The following FIGNL2 variants were observed in gnomAD, a reference collection of about 807,000 sequenced individuals.
FIGNL2 encodes the protein fidgetin like 2, also known as fidgetin-like protein 2.
For missense variants in FIGNL2, 1,060 were observed against 950.2 expected, an observed-to-expected ratio of 1.12 and a Z score of -1.52; for synonymous variants, 565 against 484.0, an observed-to-expected ratio of 1.17 and a Z score of -2.20.
Position 51,821,124 on chromosome 12 carries a change from G to A in FIGNL2, c.1290C>T (p.Leu430=), listed in dbSNP as rs534058556. The change falls in exon 2 of 2, where the codon CTC becomes CTT. Residue 430 remains leucine (L), a synonymous_variant. Coordinates refer to ENST00000618634, the MANE Select transcript of FIGNL2 (RefSeq NM_001384995.1). ...CTTTGCCCGCGCCCCGCGGCCCAAAGAGCAGGACGGTCCGCGGCGGGCGCA... is the reference window on the plus strand; with the variant it reads ...CTTTGCCCGCGCCCCGCGGCCCAAAAAGCAGGACGGTCCGCGGCGGGCGCA... ...GSLRPPRTVL[L]FGPRGAGKAL... 94 of 1,445,678 alleles carry A rather than the reference G, an allele frequency of 6.5e-5. No homozygotes were observed. The highest frequency in any genetic ancestry group is 8.0e-5 in the Non-Finnish European group (89 of 1,112,800). The allele number at this position is 1,445,678 out of a possible 1,614,324, so 89.6% of individuals were successfully genotyped here.
At chr12:51,832,440 A>G (rs1305533461) in intron 1 of FIGNL2, among the ~76,000 whole-genome samples, 1 of 151,882 alleles carries the variant, frequency 6.6e-6, no homozygotes, top group African/African-American at 2.4e-5. Context: ...CCTTCCAAGC[A>G]GGCATTTACC....
intron 1 of FIGNL2, chr12:51,826,021 A>C (rs1192159417): frequency 6.6e-6 from 1 of 152,152 alleles, no homozygotes; most frequent in Non-Finnish European, 1.5e-5. Flanking sequence ...TAGCCAGGGC[A>C]AAAAATGAAG....
In FIGNL2 at chr12:51,820,928, G is replaced by C; in HGVS notation, c.1486C>G (p.Leu496Val). The change falls in exon 2 of 2, where the codon CTG (leucine) becomes GTG (valine). Residue 496 changes from leucine (L) to valine (V), a missense_variant. Transcript: ENST00000618634. Reference sequence around the variant, plus strand: ...GCGCCGTCGTCCCGGGCGGGGAGCAGCGCCTCTAGCTCGCTGATGAGGAGT... The same window carrying C: ...GCGCCGTCGTCCCGGGCGGGGAGCACCGCCTCTAGCTCGCTGATGAGGAGT... ...SVLLISELEA[L>V]LPARDDGAAA... The C allele has an allele frequency of 7.6e-7, 1 of 1,319,510 alleles. No homozygotes were observed. The highest frequency in any genetic ancestry group is 9.6e-7 in the Non-Finnish European group (1 of 1,042,796). The allele number at this position is 1,319,510 out of a possible 1,614,324, so 81.7% of individuals were successfully genotyped here. A position where few individuals can be genotyped will look rare whatever the true frequency, so the allele number is the denominator to read the frequency against.
chr12:51,822,188 CG>C lies in FIGNL2; in HGVS notation c.225del (p.Tyr75Ter). The part of the protein sequence containing the change: ...EKYSGVLDSP[Y>X]ERPALGGYSD... ...CTGTACCCGCCCAGGGCCGGACGCT[CG>C]TAGGGAGAATCCAAGACCCCAGAGT... On this transcript the variant is annotated frameshift_variant, in exon 2 of 2. Transcript: ENST00000618634. LOFTEE classifies it low-confidence loss of function (END_TRUNC). The C allele has an allele frequency of 2.5e-6, 4 of 1,611,554 alleles. No individual in the cohort carries two copies. The highest frequency in any genetic ancestry group is 3.4e-6 in the Non-Finnish European group (4 of 1,178,974).
Position 51,820,943 on chromosome 12 carries a change from T to C in FIGNL2, c.1471A>G (p.Ser491Gly). ...GCGGGGAGCAGCGCCTCTAGCTCGCTGATGAGGAGTACGGAGGGTGGGCGG... is the reference window on the plus strand; with the variant it reads ...GCGGGGAGCAGCGCCTCTAGCTCGCCGATGAGGAGTACGGAGGGTGGGCGG... Reference protein sequence around the residue: ...RCRPPSVLLISELEALLPARD... With the variant: ...RCRPPSVLLIGELEALLPARD... The change falls in exon 2 of 2, where the codon AGC becomes GGC. Residue 491 changes from serine to glycine, a missense_variant. Physicochemically the swap from Ser to Gly is moderately conservative, Grantham distance 56 (BLOSUM62 0). Coordinates refer to ENST00000618634, the MANE Select transcript of FIGNL2 (RefSeq NM_001384995.1). 7.7e-7 allele frequency: 1 copy of C among 1,292,690 alleles called. No individual in the cohort carries two copies. The highest frequency in any genetic ancestry group is 1.6e-5 in the African/African-American group (1 of 63,976). The allele number at this position is 1,292,690 out of a possible 1,614,324, so 80.1% of individuals were successfully genotyped here. A position where few individuals can be genotyped will look rare whatever the true frequency, so the allele number is the denominator to read the frequency against.
intron 1 of FIGNL2, among the ~76,000 whole-genome samples, chr12:51,842,644 C>T (rs1019542844): frequency 3.3e-5 from 5 of 152,106 alleles, no homozygotes; most frequent in Non-Finnish European, 7.4e-5. Context: ...CTTCTAATGC[C>T]CACCGACACA....
intron 1 of FIGNL2, chr12:51,835,463 CA>C (rs1939565075): frequency 6.6e-6 from 1 of 152,258 alleles, no homozygotes; most frequent in Non-Finnish European, 1.5e-5. Flanking sequence ...GCCACCAGCC[CA>C]AAAGGGGCAG....
chr12:51,826,696 CT>C (rs1565944065), intron 1 of FIGNL2, among the ~76,000 whole-genome samples: 3 of 150,992 alleles, frequency 2.0e-5, no homozygotes, highest in African/African-American at 7.3e-5. Context: ...AGGTCAGCAA[CT>C]TCTGCTAAAC....
chr12:51,825,948 C>G (rs970531094), intron 1 of FIGNL2: 1 of 152,216 alleles, frequency 6.6e-6, no homozygotes, highest in Non-Finnish European at 1.5e-5. Context: ...GATCTCTACT[C>G]TCAGTCTTCA....
chr12:51,825,509 C>T (rs1046956578), intron 1 of FIGNL2, among the ~76,000 whole-genome samples: 2 of 152,160 alleles, frequency 1.3e-5, no homozygotes, highest in African/African-American at 4.8e-5. Context: ...TCCAGTAAGC[C>T]ACCTCCAGTC....
intron 1 of FIGNL2, among the ~76,000 whole-genome samples, chr12:51,828,627 T>G (rs1939392140): frequency 6.6e-6 from 1 of 152,166 alleles, no homozygotes; most frequent in South Asian, 2.1e-4. Context: ...TCCCCCGTGG[T>G]CCTGCTGCCC....
At chr12:51,837,430 C>T (rs1010896214) in intron 1 of FIGNL2, among the ~76,000 whole-genome samples, 1 of 152,166 alleles carries the variant, frequency 6.6e-6, no homozygotes, top group Admixed American at 6.5e-5. Flanking sequence ...CCTGCCGGTA[C>T]CCCCTGTGAC....
Position 51,833,891 on chromosome 12 carries a change from C to T in FIGNL2, c.-11-11467G>A, listed in dbSNP as rs553312428. Among the ~76,000 whole-genome samples, 300 of 152,000 alleles carry T rather than the reference C, an allele frequency of 2.0e-3. 1 individual carries two copies. The highest frequency in any genetic ancestry group is 0.014 in the Middle Eastern group (4 of 294). ...TTTGTTCACTGTTATATCCCAAGCA[C>T]CTAGGACAGTGCCCGGCACAGATTA... On this transcript the variant is annotated intron_variant, in intron 1 of 1. Coordinates refer to ENST00000618634, the MANE Select transcript of FIGNL2 (RefSeq NM_001384995.1).
chr12:51,846,939 G>A, intron 1 of FIGNL2: 1 of 927,514 alleles, frequency 1.1e-6, no homozygotes, highest in Non-Finnish European at 1.3e-6. Context: ...CATGGGAAAG[G>A]GGATTTACGA....
intron 1 of FIGNL2, among the ~76,000 whole-genome samples, chr12:51,842,637 C>A (rs1445207375): frequency 6.6e-6 from 1 of 152,130 alleles, no homozygotes; most frequent in African/African-American, 2.4e-5. Flanking sequence ...CACTTTGCTT[C>A]TAATGCCCAC....
chr12:51,828,134 A>G (rs1939383166), intron 1 of FIGNL2, among the ~76,000 whole-genome samples: 1 of 152,132 alleles, frequency 6.6e-6, no homozygotes. Context: ...AGTGCTGTGT[A>G]TTTACCCTTC....
chr12:51,820,539 C>G lies in FIGNL2; in HGVS notation c.1875G>C (p.Ala625=). The G allele has an allele frequency of 6.5e-7, 1 of 1,549,758 alleles. No homozygotes were observed. The highest frequency in any genetic ancestry group is 8.7e-7 in the Non-Finnish European group (1 of 1,155,032). The part of the protein sequence containing the change: ...QRPLSYKDLE[A]ALAKVGPRAS... ...CCCTAGGGCCCACCTTGGCCAGCGC[C>G]GCCTCCAGGTCCTTGTAGGAGAGGG... is the stretch of plus-strand genomic sequence containing the variant. The change falls in exon 2 of 2, where the codon GCG becomes GCC. Residue 625 remains alanine, a synonymous_variant. Coordinates refer to ENST00000618634, the MANE Select transcript of FIGNL2 (RefSeq NM_001384995.1).
intron 1 of FIGNL2, among the ~76,000 whole-genome samples, chr12:51,836,844 G>A (rs779069323): frequency 6.6e-5 from 10 of 152,098 alleles, no homozygotes; most frequent in East Asian, 1.9e-4. Context: ...CCAGTGGTCT[G>A]AGCAGGGTGG....
At chr12:51,824,692 A>G (rs1939297738) in intron 1 of FIGNL2, among the ~76,000 whole-genome samples, 1 of 152,178 alleles carries the variant, frequency 6.6e-6, no homozygotes, top group African/African-American at 2.4e-5. Context: ...AAAGAGGGTA[A>G]TTTCCTGGAA....
Sources: gnomAD v4.1 joint callset for allele counts (sites outside exome capture counted in the v4.1 genomes callset) on GRCh38, gnomAD v4.1.1 for gene constraint, MANE v1.5 for transcripts, NCBI Gene and HGNC (gene_info 2026-07-23, HGNC 2026-07-21) for gene names.